Variants in PCDH15 observed in about 807,000 individuals in gnomAD.
PCDH15 encodes the protein protocadherin related 15.
PCDH15 carries 129 observed loss-of-function variants against 178.5 expected under a neutral mutation model. That is an observed-to-expected ratio of 0.72 (90% CI 0.63 to 0.84). The LOEUF is 0.84. Ranked by LOEUF, PCDH15 falls within the 40% of genes least tolerant of loss-of-function variation. The pLI is 0.00. For synonymous variants in PCDH15, 800 were observed against 732.0 expected (o/e 1.09, Z -1.50); for missense variants, 2,230 against 2,099.9 (o/e 1.06, Z -1.21).
At chr10:55,109,938 G>A (rs1591910307) in intron 2 of PCDH15, among the ~76,000 whole-genome samples, 1 of 151,656 alleles carries the variant, frequency 6.6e-6, no homozygotes, top group African/African-American at 2.4e-5. Context: ...GCACTTGCAA[G>A]TCAACTTATT....
chr10:55,394,746 G>C (rs138007171), intron 2 of PCDH15, among the ~76,000 whole-genome samples: 1,575 of 151,670 alleles, frequency 0.01, 28 homozygotes, highest in African/African-American at 0.035. Flanking sequence ...AGAAGTAATG[G>C]TAAGCAGAGT....
chr10:54,454,481 TTAA>T (rs1462770294), intron 3 of PCDH15, among the ~76,000 whole-genome samples: 3 of 149,460 alleles, frequency 2.0e-5, no homozygotes, highest in South Asian at 2.1e-4. Context: ...ATTAAAATTA[TTAA>T]TATTTAATAA....
At chr10:55,351,011 CCT>C (rs1327223666) in intron 2 of PCDH15, among the ~76,000 whole-genome samples, 2 of 102,002 alleles carry the variant, frequency 2.0e-5, no homozygotes, top group East Asian at 3.7e-4. Flanking sequence ...CCTCCCCCTC[CCT>C]CTCTCCCTGC....
intron 28 of PCDH15, among the ~76,000 whole-genome samples, chr10:53,855,116 T>C (rs941325030): frequency 1.3e-5 from 2 of 152,070 alleles, no homozygotes; most frequent in Non-Finnish European, 2.9e-5. Flanking sequence ...ATGTATCAAG[T>C]GTCTACTATA....
At chr10:54,938,271 TACTC>T (rs1187737256) in intron 2 of PCDH15, among the ~76,000 whole-genome samples, 3 of 146,900 alleles carry the variant, frequency 2.0e-5, no homozygotes, top group African/African-American at 7.4e-5. Flanking sequence ...TAGTTTTACT[TACTC>T]GTAATATTTC....
intron 3 of PCDH15, among the ~76,000 whole-genome samples, chr10:54,443,303 T>A (rs2075949954): frequency 1.3e-5 from 2 of 151,586 alleles, no homozygotes; most frequent in African/African-American, 4.8e-5. Flanking sequence ...TGTTCCTGTC[T>A]GACATATTCT....
intron 2 of PCDH15, among the ~76,000 whole-genome samples, chr10:54,636,046 A>T: frequency 6.6e-6 from 1 of 151,888 alleles, no homozygotes; most frequent in East Asian, 1.9e-4. Context: ...TCAAAAAAGT[A>T]AGTAACGTTA....
intron 2 of PCDH15, among the ~76,000 whole-genome samples, chr10:55,463,935 A>G (rs12219803): frequency 1.8e-4 from 5 of 27,186 alleles, no homozygotes; most frequent in African/African-American, 1.0e-3. Context: ...GAAAGAAAGA[A>G]AGAAAGAAAG....
rs530032613 is a variant in PCDH15 at position 55,395,842 on chromosome 10, T to C, written c.-155-229191A>G. Among the ~76,000 whole-genome samples the C allele has an allele frequency of 2.6e-5, 4 of 151,754 alleles. No individual in the cohort carries two copies. The East Asian group carries it at 5.8e-4, about 22-fold the overall frequency. On this transcript the variant is annotated intron_variant, in intron 2 of 5. Coordinates refer to the PCDH15 transcript ENST00000613346. ...AATTTAGTCTCACTATCCTCCTATATCACAAAAAAAACCAAACATAAAATA... is the reference window on the plus strand; with the variant it reads ...AATTTAGTCTCACTATCCTCCTATACCACAAAAAAAACCAAACATAAAATA...
intron 1 of PCDH15, among the ~76,000 whole-genome samples, chr10:55,289,974 C>T (rs1842967305): frequency 6.7e-6 from 1 of 150,176 alleles, no homozygotes; most frequent in Non-Finnish European, 1.5e-5. Flanking sequence ...TTCTTCTGCT[C>T]TTCTGTCATA....
chr10:54,462,042 G>A (rs2136475289), intron 3 of PCDH15, among the ~76,000 whole-genome samples: 1 of 152,074 alleles, frequency 6.6e-6, no homozygotes, highest in East Asian at 1.9e-4. Flanking sequence ...TACATGAGTT[G>A]AGATAGTCAA....
rs1270876431 is a variant in PCDH15, at chr10:54,927,627, G to A, written c.-79-30127C>T. Among the ~76,000 whole-genome samples, 4 of 152,024 alleles carry A rather than the reference G, an allele frequency of 2.6e-5. No individual in the cohort carries two copies. The South Asian group carries it at 8.3e-4, about 31-fold the overall frequency. On this transcript the variant is annotated intron_variant, in intron 2 of 5. Coordinates refer to the PCDH15 transcript ENST00000458638. ...ATGAATCTTAGTGCTCCTGTATTGG[G>A]TACATATATATTTAGGATAGTTAGG...
intron 8 of PCDH15, among the ~76,000 whole-genome samples, chr10:54,248,096 T>A (rs922556492): frequency 4.6e-5 from 7 of 151,538 alleles, no homozygotes; most frequent in African/African-American, 1.7e-4. Flanking sequence ...GAGAAAAAAA[T>A]TTTCATTTGA....
chr10:54,988,459 T>A (rs770740717), intron 2 of PCDH15, among the ~76,000 whole-genome samples: 1 of 152,184 alleles, frequency 6.6e-6, no homozygotes, highest in Non-Finnish European at 1.5e-5. Context: ...ACTCATTAAA[T>A]GGCTTTGGCC....
intron 2 of PCDH15, among the ~76,000 whole-genome samples, chr10:55,405,283 G>GATAGATATATATATATATATATATATAT (rs1554863154): frequency 9.3e-6 from 1 of 108,086 alleles, no homozygotes; most frequent in Non-Finnish European, 2.0e-5. Flanking sequence ...TGAGGTAACA[G>GATAGATATATATATATATATATATATAT]ATATATATAT....
chr10:53,924,632 G>T (rs1044484642), intron 25 of PCDH15, among the ~76,000 whole-genome samples: 1 of 152,260 alleles, frequency 6.6e-6, no homozygotes, highest in Admixed American at 6.5e-5. Context: ...GGTGAAGCCA[G>T]CTGGGCTCCT....
chr10:53,918,806 C>T (rs992369339), intron 25 of PCDH15, among the ~76,000 whole-genome samples: 2 of 151,390 alleles, frequency 1.3e-5, no homozygotes, highest in East Asian at 1.9e-4. Flanking sequence ...TAATAGATTA[C>T]GGCAAAATTA....
At chr10:55,225,650 T>TGTGAGA (rs71461287) in intron 1 of PCDH15, among the ~76,000 whole-genome samples, 5 of 148,030 alleles carry the variant, frequency 3.4e-5, no homozygotes, top group Non-Finnish European at 7.5e-5. Flanking sequence ...TGTGTGTGTG[T>TGTGAGA]GAGAGAGAGA....
At chr10:54,498,897 A>C (rs1363465056) in intron 3 of PCDH15, among the ~76,000 whole-genome samples, 1 of 152,120 alleles carries the variant, frequency 6.6e-6, no homozygotes, top group Non-Finnish European at 1.5e-5. Flanking sequence ...TGGAAGGGGA[A>C]GTAGGCACTT....
Sources: allele counts gnomAD v4.1 joint callset (sites outside exome capture counted in the v4.1 genomes callset), GRCh38; gene constraint gnomAD v4.1.1; transcripts MANE v1.5; gene names NCBI Gene and HGNC (gene_info 2026-07-23, HGNC 2026-07-21).